CNKSR2: variants seen among roughly 807,000 people sequenced by gnomAD.
CNKSR2 encodes the protein CNK homolog protein 2.
CNKSR2 carries 14 observed loss-of-function variants against 84.4 expected under a neutral mutation model. The ratio of observed to expected loss-of-function variants is 0.17; its 90% CI spans 0.11 to 0.26. CNKSR2 has a LOEUF of 0.26. CNKSR2 is among the 10% of genes least tolerant of loss of function. The probability of loss-of-function intolerance (pLI) is 1.00; values close to 1 mark genes in which losing one functional copy is unlikely to be tolerated. For missense variants in CNKSR2, 485 were observed against 771.2 expected (o/e 0.63, Z 4.40); for synonymous variants, 275 against 277.9 (o/e 0.99, Z 0.10).
chrX:21,626,060 G>A (rs192917878), intron 20 of CNKSR2, among the ~76,000 whole-genome samples: 2 of 110,887 alleles, frequency 1.8e-5, no homozygotes, highest in East Asian at 5.6e-4. Flanking sequence ...ACATACAAAT[G>A]TAACTGTACA....
intron 20 of CNKSR2, among the ~76,000 whole-genome samples, chrX:21,633,996 C>T (rs2092658898): frequency 8.9e-6 from 1 of 112,034 alleles, no homozygotes; most frequent in Admixed American, 9.5e-5. Context: ...TTAAGATGAA[C>T]ATTAATGCTA....
At chrX:21,544,406 C>T (rs1016006289) in intron 11 of CNKSR2, among the ~76,000 whole-genome samples, 2 of 110,821 alleles carry the variant, frequency 1.8e-5, no homozygotes, top group African/African-American at 6.6e-5. Flanking sequence ...CAGTTCAGCC[C>T]CCACATCTTT....
intron 9 of CNKSR2, among the ~76,000 whole-genome samples, chrX:21,526,105 A>G (rs765324307): frequency 6.7e-4 from 74 of 110,514 alleles, no homozygotes; most frequent in Non-Finnish European, 1.3e-3. Context: ...CTTAACTTTA[A>G]GAAAACAACC....
chrX:21,389,142 T>G (rs2090013379), intron 1 of CNKSR2, among the ~76,000 whole-genome samples: 1 of 106,817 alleles, frequency 9.4e-6, no homozygotes, highest in African/African-American at 3.4e-5. Context: ...CACAAAACTG[T>G]CAAGGTCACC....
intron 5 of CNKSR2, among the ~76,000 whole-genome samples, chrX:21,480,042 G>C (rs965664899): frequency 1.8e-5 from 2 of 110,911 alleles, no homozygotes; most frequent in Non-Finnish European, 3.8e-5. Flanking sequence ...TGGGAACCTA[G>C]AAGCCTTCTT....
chrX:21,591,963 G>A (rs962450308), intron 15 of CNKSR2: 1 of 111,524 alleles, frequency 9.0e-6, no homozygotes, highest in African/African-American at 3.3e-5. Context: ...AAATGTACAT[G>A]GCTTAATGTA....
At chrX:21,453,601 G>A (rs1474996424) in intron 4 of CNKSR2, among the ~76,000 whole-genome samples, 1 of 111,803 alleles carries the variant, frequency 8.9e-6, no homozygotes, top group Admixed American at 9.5e-5. Context: ...TGCTCTGTAT[G>A]CCTCAGCCAT....
At chrX:21,470,308 G>T (rs911179226) in intron 4 of CNKSR2, among the ~76,000 whole-genome samples, 16 of 111,363 alleles carry the variant, frequency 1.4e-4, no homozygotes, top group Non-Finnish European at 2.8e-4. Context: ...TGCAATAGTT[G>T]AAAATATAAA....
chrX:21,479,019 AT>A (rs1163534158), intron 5 of CNKSR2, among the ~76,000 whole-genome samples: 6 of 111,673 alleles, frequency 5.4e-5, no homozygotes, highest in Non-Finnish European at 9.4e-5. Context: ...AATGGCGTAC[AT>A]TGTAACCATT....
At chrX:21,505,561 T>C (rs1449563748) in intron 8 of CNKSR2, 1 of 111,389 alleles carries the variant, frequency 9.0e-6, no homozygotes, top group African/African-American at 3.3e-5. Context: ...AGGGAACAGA[T>C]TGAAGGACTA....
intron 5 of CNKSR2, among the ~76,000 whole-genome samples, chrX:21,471,459 T>C (rs1439175132): frequency 8.9e-6 from 1 of 112,222 alleles, no homozygotes; most frequent in Non-Finnish European, 1.9e-5. Flanking sequence ...TCATGTCATT[T>C]CTGCATCTGC....
At chrX:21,629,852 T>C (rs1218793261) in intron 20 of CNKSR2, among the ~76,000 whole-genome samples, 1 of 112,502 alleles carries the variant, frequency 8.9e-6, no homozygotes, top group Non-Finnish European at 1.9e-5. Context: ...TTCAGTTGTT[T>C]AGTGAAGTAT....
intron 1 of CNKSR2, among the ~76,000 whole-genome samples, chrX:21,405,480 A>T (rs1298871782): frequency 1.8e-5 from 2 of 111,595 alleles, no homozygotes; most frequent in Non-Finnish European, 3.8e-5. Flanking sequence ...AAGTTATTGA[A>T]TACTGCTCTT....
Position 21,526,985 on chromosome X carries a change from A to G in CNKSR2, c.1076A>G (p.Glu359Gly). The change falls in exon 10 of 22, where the codon GAA becomes GGA. Residue 359 changes from glutamate (E) to glycine (G), a missense_variant. Transcript: ENST00000379510. ...CTCTACATTCCCCCTCCTCCTGCAG[A>G]ACCATATATTCCCAGGTATAAAACT... ...QDLYIPPPPA[E>G]PYIPRDEKGN... 1 of 1,206,292 alleles carries G rather than the reference A, an allele frequency of 8.3e-7. No homozygotes were observed. The highest frequency in any genetic ancestry group is 1.1e-6 in the Non-Finnish European group (1 of 891,796).
At chrX:21,558,153 CAT>C (rs1460041583) in intron 11 of CNKSR2, among the ~76,000 whole-genome samples, 2 of 110,973 alleles carry the variant, frequency 1.8e-5, no homozygotes, top group African/African-American at 6.5e-5. Context: ...CAGTAGCAAA[CAT>C]ATTTTCAAGC....
rs538924179 is a variant in CNKSR2 at position 21,486,004 on chromosome X, G to A, written c.562-4455G>A. ...ACAAAAAGTAGCCGGGCGTGGTGGCGTGAGCCTGTAGTCCCAGCTGCTCAG... is the reference window on the plus strand; with the variant it reads ...ACAAAAAGTAGCCGGGCGTGGTGGCATGAGCCTGTAGTCCCAGCTGCTCAG... On this transcript the variant is annotated intron_variant, in intron 5 of 21. Transcript: ENST00000379510. Among the ~76,000 whole-genome samples, 15 of 111,090 alleles carry A rather than the reference G, an allele frequency of 1.4e-4. No individual in the cohort carries two copies. In the South Asian group the frequency reaches 3.4e-3, roughly 25 times the overall value.
At chrX:21,398,226 CTA>C (rs1345203916) in intron 1 of CNKSR2, among the ~76,000 whole-genome samples, 5 of 111,651 alleles carry the variant, frequency 4.5e-5, no homozygotes, top group East Asian at 5.6e-4. Flanking sequence ...ATTTTAATAA[CTA>C]AAAGTATTTA....
intron 20 of CNKSR2, among the ~76,000 whole-genome samples, chrX:21,626,660 A>T (rs2092625306): frequency 8.9e-6 from 1 of 112,362 alleles, no homozygotes. Flanking sequence ...CTAATGAAGA[A>T]TTGGATATTG....
chrX:21,421,282 A>T (rs923768833), intron 1 of CNKSR2, among the ~76,000 whole-genome samples: 2 of 105,084 alleles, frequency 1.9e-5, no homozygotes, highest in South Asian at 8.2e-4. Context: ...CACTGATTTA[A>T]GATGGTTTTT....
Sources: gnomAD v4.1 joint callset for allele counts (sites outside exome capture counted in the v4.1 genomes callset) on GRCh38, gnomAD v4.1.1 for gene constraint, MANE v1.5 for transcripts, NCBI Gene and HGNC (gene_info 2026-07-23, HGNC 2026-07-21) for gene names.